Variants in CACNA2D3 observed in about 807,000 individuals in gnomAD.
The protein encoded by CACNA2D3 is voltage-dependent calcium channel subunit alpha-2/delta-3.
CACNA2D3 carries 60 observed loss-of-function variants against 160.6 expected under a neutral mutation model. The ratio of observed to expected loss-of-function variants is 0.37; its 90% CI spans 0.30 to 0.46. The LOEUF (loss-of-function observed/expected upper bound fraction) is 0.46. Among genes scored for constraint, CACNA2D3 ranks in the 20% least tolerant of loss-of-function variants. The pLI, the probability that CACNA2D3 is intolerant of heterozygous loss-of-function variation, is 1.00. For missense variants in CACNA2D3, 1,205 were observed against 1,365.0 expected (o/e 0.88, Z 1.85); for synonymous variants, 558 against 492.9 (o/e 1.13, Z -1.75).
At chr3:54,813,788 C>G (rs988823881) in intron 13 of CACNA2D3, among the ~76,000 whole-genome samples, 1 of 150,046 alleles carries the variant, frequency 6.7e-6, no homozygotes, top group Admixed American at 6.6e-5. Context: ...GTGCTCAGAA[C>G]TATAGAAAAA....
chr3:54,442,704 G>T (rs944856070), intron 4 of CACNA2D3, among the ~76,000 whole-genome samples: 2 of 152,176 alleles, frequency 1.3e-5, no homozygotes, highest in Non-Finnish European at 2.9e-5. Flanking sequence ...GCTTAATTCA[G>T]TAGTTCCCTA....
At chr3:54,925,972 C>T (rs781421266) in intron 27 of CACNA2D3, among the ~76,000 whole-genome samples, 1 of 152,050 alleles carries the variant, frequency 6.6e-6, no homozygotes, top group African/African-American at 2.4e-5. Context: ...ATAATAAATA[C>T]CCATTTTCTA....
chr3:54,481,967 A>G (rs1219776709), intron 4 of CACNA2D3, among the ~76,000 whole-genome samples: 1 of 152,254 alleles, frequency 6.6e-6, no homozygotes. Context: ...CCAGATATTT[A>G]CGTTCCTTTG....
At position 54,736,105 on chromosome 3, in the gene CACNA2D3, A is replaced by ATG. The variant is rs1166741289; in HGVS notation, c.1168-16493_1168-16492insGT. Reference sequence around the variant, plus strand: ...TATGTATGTGTATATATATACATATATATGTATATATATACATATATATAT... The same window carrying ATG: ...TATGTATGTGTATATATATACATATATGTATGTATATATATACATATATATAT... On this transcript the variant is annotated intron_variant, in intron 11 of 37. Transcript: ENST00000474759. 1.3e-3 allele frequency among the ~76,000 whole-genome samples: 34 copies of ATG among 25,972 alleles called. 2 individuals carry two copies. Among genetic ancestry groups the ATG allele is most frequent in the African/African-American group, 2.8e-3 (23 of 8,142 alleles). The allele number at this position is 25,972 out of a possible 152,430, so 17.0% of individuals were successfully genotyped here.
chr3:54,642,123 C>G lies in CACNA2D3; in HGVS notation c.1054-5C>G. 3.1e-6 allele frequency: 5 copies of G among 1,593,526 alleles called. No homozygotes were observed. Among genetic ancestry groups the G allele is most frequent in the Non-Finnish European group, 4.3e-6 (5 of 1,165,274 alleles). ...ATACTATTTTGAACTTATTTCTTTC[C>G]CTAGTTCAACCACACGGGACAAGGA... On this transcript the variant is annotated splice_polypyrimidine_tract_variant and splice_region_variant and intron_variant, in intron 10 of 37. Coordinates refer to ENST00000474759, the MANE Select transcript of CACNA2D3 (RefSeq NM_018398.3).
intron 27 of CACNA2D3, among the ~76,000 whole-genome samples, chr3:54,963,000 C>T (rs778804383): frequency 3.3e-5 from 5 of 152,094 alleles, no homozygotes; most frequent in Non-Finnish European, 5.9e-5. Context: ...TCAGATTACA[C>T]TTGAATGCAT....
chr3:54,946,968 A>G (rs1234040710), intron 27 of CACNA2D3, among the ~76,000 whole-genome samples: 2 of 152,200 alleles, frequency 1.3e-5, no homozygotes, highest in Non-Finnish European at 2.9e-5. Context: ...GCCTGTGACC[A>G]TAGTGCATTT....
At chr3:54,822,801 TTC>T (rs1491467005) in intron 14 of CACNA2D3, among the ~76,000 whole-genome samples, 1 of 101,398 alleles carries the variant, frequency 9.9e-6, no homozygotes, top group Non-Finnish European at 1.9e-5. Flanking sequence ...CTTTCTTTCT[TTC>T]TTTCTTTCTT....
chr3:54,440,184 G>T (rs1443423946), intron 4 of CACNA2D3, among the ~76,000 whole-genome samples: 1 of 152,150 alleles, frequency 6.6e-6, no homozygotes, highest in Non-Finnish European at 1.5e-5. Flanking sequence ...GCCCTGTAAT[G>T]CATGAATGGT....
At chr3:54,318,482 T>G (rs1466777456) in intron 2 of CACNA2D3, among the ~76,000 whole-genome samples, 1 of 152,108 alleles carries the variant, frequency 6.6e-6, no homozygotes, top group African/African-American at 2.4e-5. Flanking sequence ...TCAATCTTGG[T>G]CTAGACTCAC....
At chr3:54,375,306 A>G (rs557021333) in intron 3 of CACNA2D3, among the ~76,000 whole-genome samples, 165 of 152,280 alleles carry the variant, frequency 1.1e-3, no homozygotes, top group Middle Eastern at 3.4e-3. Flanking sequence ...TATAAACCTT[A>G]TATTCCCAGA....
chr3:54,783,625 TAAA>T (rs1188514659), intron 13 of CACNA2D3, among the ~76,000 whole-genome samples: 1 of 149,150 alleles, frequency 6.7e-6, no homozygotes, highest in Non-Finnish European at 1.5e-5. Flanking sequence ...AATAAATAAA[TAAA>T]AATAAAAATA....
At chr3:54,249,664 C>T (rs1337736338) in intron 2 of CACNA2D3, among the ~76,000 whole-genome samples, 7 of 115,678 alleles carry the variant, frequency 6.1e-5, no homozygotes, top group Non-Finnish European at 1.2e-4. Context: ...TGTTTACGTA[C>T]ACACACACAC....
intron 3 of CACNA2D3, among the ~76,000 whole-genome samples, chr3:54,335,836 C>G (rs1268904803): frequency 6.6e-6 from 1 of 151,412 alleles, no homozygotes; most frequent in South Asian, 2.1e-4. Flanking sequence ...AAACCTGTCT[C>G]TACTAAAATA....
chr3:54,146,306 C>T (rs1331940725), intron 2 of CACNA2D3, among the ~76,000 whole-genome samples: 2 of 152,214 alleles, frequency 1.3e-5, no homozygotes, highest in South Asian at 2.1e-4. Context: ...CCACTACACT[C>T]GAGGTGACCT....
intron 33 of CACNA2D3, among the ~76,000 whole-genome samples, chr3:55,008,669 C>T (rs1423038363): frequency 6.6e-6 from 1 of 152,052 alleles, no homozygotes; most frequent in African/African-American, 2.4e-5. Context: ...AGAGAAAGAA[C>T]ATTAACAGAT....
chr3:54,176,925 G>A (rs1188843835), intron 2 of CACNA2D3, among the ~76,000 whole-genome samples: 1 of 152,146 alleles, frequency 6.6e-6, no homozygotes, highest in African/African-American at 2.4e-5. Flanking sequence ...GGAGTCAAAA[G>A]TTAGAAGGGC....
chr3:54,895,440 T>G (rs369521643), intron 25 of CACNA2D3, among the ~76,000 whole-genome samples: 131 of 152,276 alleles, frequency 8.6e-4, no homozygotes, highest in African/African-American at 3.1e-3. Flanking sequence ...TCGAAGGGCA[T>G]GGGCCTCCTC....
At chr3:54,736,227 G>T (rs892564507) in intron 11 of CACNA2D3, among the ~76,000 whole-genome samples, 3 of 149,822 alleles carry the variant, frequency 2.0e-5, no homozygotes, top group Non-Finnish European at 4.4e-5. Context: ...TGTTCATTTA[G>T]TGATGTCTTT....
Sources: gnomAD v4.1 joint callset for allele counts (sites outside exome capture counted in the v4.1 genomes callset) on GRCh38, gnomAD v4.1.1 for gene constraint, MANE v1.5 for transcripts, NCBI Gene and HGNC (gene_info 2026-07-23, HGNC 2026-07-21) for gene names.